The following ZBTB2 variants were observed in gnomAD, a reference collection of about 807,000 sequenced individuals.
ZBTB2 encodes the protein zinc finger and BTB domain containing 2, also known as zinc finger and BTB domain-containing protein 2.
ZBTB2 carries 2 observed loss-of-function variants against 39.5 expected under a neutral mutation model. The observed-to-expected ratio is 0.05, with a 90% confidence interval of 0.02 to 0.16. ZBTB2 has a LOEUF of 0.16. Ranked by LOEUF, ZBTB2 falls within the 10% of genes least tolerant of loss-of-function variation. The pLI is 1.00. For missense variants in ZBTB2, 391 were observed against 653.0 expected (o/e 0.60, Z 4.37); for synonymous variants, 251 against 256.6 (o/e 0.98, Z 0.21).
At chr6:151,376,653 T>C (rs1778915303) in intron 1 of ZBTB2, among the ~76,000 whole-genome samples, 1 of 152,210 alleles carries the variant, frequency 6.6e-6, no homozygotes, top group Non-Finnish European at 1.5e-5. Context: ...ACAGTATCAC[T>C]GTGCACCTAT....
chr6:151,388,898 G>A (rs1779222810), intron 1 of ZBTB2, among the ~76,000 whole-genome samples: 1 of 152,274 alleles, frequency 6.6e-6, no homozygotes, highest in South Asian at 2.1e-4. Context: ...TGGCAAGTAT[G>A]CACTGGGACT....
intron 2 of ZBTB2, among the ~76,000 whole-genome samples, chr6:151,368,729 C>T (rs1347005282): frequency 6.6e-6 from 1 of 151,376 alleles, no homozygotes; most frequent in Non-Finnish European, 1.5e-5. Context: ...GATGGGATTA[C>T]AGGCGTGAGC....
intron 1 of ZBTB2, among the ~76,000 whole-genome samples, chr6:151,373,871 A>ACAAAAC (rs1372276355): frequency 8.6e-6 from 1 of 116,578 alleles, no homozygotes; most frequent in Non-Finnish European, 1.7e-5. Context: ...AAAAAAAAAA[A>ACAAAAC]AAAAAACCAG....
At chr6:151,389,230 C>T (rs916693738) in intron 1 of ZBTB2, among the ~76,000 whole-genome samples, 1 of 151,826 alleles carries the variant, frequency 6.6e-6, no homozygotes, top group Non-Finnish European at 1.5e-5. Flanking sequence ...AAGACCGTCT[C>T]GGGCAACATA....
At chr6:151,368,223 T>G (rs1778692255) in intron 2 of ZBTB2, among the ~76,000 whole-genome samples, 1 of 152,178 alleles carries the variant, frequency 6.6e-6, no homozygotes. Flanking sequence ...CTCGGCTCAC[T>G]GCAAGCTCCG....
intron 2 of ZBTB2, among the ~76,000 whole-genome samples, chr6:151,368,210 G>A (rs1030831033): frequency 3.9e-5 from 6 of 151,924 alleles, no homozygotes; most frequent in South Asian, 4.2e-4. Flanking sequence ...GCAGTGGTGC[G>A]ATCTCGGCTC....
chr6:151,380,421 C>T (rs778988438), intron 1 of ZBTB2, among the ~76,000 whole-genome samples: 7 of 152,202 alleles, frequency 4.6e-5, no homozygotes, highest in East Asian at 3.8e-4. Flanking sequence ...TTTCTCATCA[C>T]GGCTTCCCTT....
Position 151,367,277 on chromosome 6 carries a change from C to T in ZBTB2, c.174-385G>A, listed in dbSNP as rs567253857. ...CTGGGATTACAGGCGCTCACTACCACGCCCAGTTAATTTTTGTATTTTTAA... is the reference window on the plus strand; with the variant it reads ...CTGGGATTACAGGCGCTCACTACCATGCCCAGTTAATTTTTGTATTTTTAA... On this transcript the variant is annotated intron_variant, in intron 2 of 2. Coordinates refer to ENST00000325144, the MANE Select transcript of ZBTB2 (RefSeq NM_020861.3). Among the ~76,000 whole-genome samples the T allele has an allele frequency of 1.1e-4, 17 of 152,176 alleles. 1 individual carries two copies. Among genetic ancestry groups the T allele is most frequent in the South Asian group, 4.1e-4 (2 of 4,820 alleles).
chr6:151,386,848 T>C (rs1242433286), intron 1 of ZBTB2, among the ~76,000 whole-genome samples: 1 of 151,222 alleles, frequency 6.6e-6, no homozygotes. Context: ...ATTACCAAAA[T>C]GGAGAAATTT....
At chr6:151,381,798 C>A (rs959077530) in intron 1 of ZBTB2, among the ~76,000 whole-genome samples, 5 of 152,204 alleles carry the variant, frequency 3.3e-5, no homozygotes, top group African/African-American at 1.2e-4. Flanking sequence ...AGCAAAGACA[C>A]AAAACATTCA....
chr6:151,388,563 A>G (rs1779213609), intron 1 of ZBTB2, among the ~76,000 whole-genome samples: 1 of 152,104 alleles, frequency 6.6e-6, no homozygotes, highest in Non-Finnish European at 1.5e-5. Context: ...GAGATGTGGG[A>G]TCTATGTTAC....
Position 151,366,382 on chromosome 6 carries a change from A to C in ZBTB2, c.684T>G (p.Asp228Glu). 1 of 1,614,132 alleles carries C rather than the reference A, an allele frequency of 6.2e-7. No individual in the cohort carries two copies. The highest frequency in any genetic ancestry group is 1.1e-5 in the South Asian group (1 of 91,080). Residue 228 changes from aspartate to glutamate, a missense_variant, in exon 3 of 3, where the codon GAT becomes GAG. Physicochemically the swap from Asp to Glu is conservative, Grantham distance 45. Around this residue, in one of 7 missense-constraint regions of ZBTB2, gnomAD observed 175 missense variants for 198.6 expected, o/e 0.88. Transcript: ENST00000325144. The surrounding 1 kb of genome is among the most constrained non-coding windows in gnomAD (Gnocchi z 7.1). ...CTATTGTGAGGGACGCAGGCTGCTCATCGGAGGAAGATGCTTCCAGATTGG... is the reference window on the plus strand; with the variant it reads ...CTATTGTGAGGGACGCAGGCTGCTCCTCGGAGGAAGATGCTTCCAGATTGG... ...EETNLEASSS[D>E]EQPASLTIAH...
rs970701434 is a variant in ZBTB2 at position 151,384,368 on chromosome 6, G to C, written c.-13+7052C>G. Among the ~76,000 whole-genome samples, 6 of 152,122 alleles carry C rather than the reference G, an allele frequency of 3.9e-5. No individual in the cohort carries two copies. The East Asian group carries it at 7.7e-4, about 20-fold the overall frequency. On this transcript the variant is annotated intron_variant, in intron 1 of 2. Coordinates refer to ENST00000325144, the MANE Select transcript of ZBTB2 (RefSeq NM_020861.3). ...CGGAACTAATCAAGCTGGGGAGGAG[G>C]GGGTAACAAGCGGGCAAGTGAAGAC...
intron 1 of ZBTB2, among the ~76,000 whole-genome samples, chr6:151,388,479 G>C (rs543192896): frequency 5.1e-4 from 77 of 152,274 alleles, no homozygotes; most frequent in Non-Finnish European, 7.2e-4. Flanking sequence ...GCATGCTGTG[G>C]GTACTTGAAA....
intron 1 of ZBTB2, among the ~76,000 whole-genome samples, chr6:151,373,868 A>AAAAC (rs1778842245): frequency 6.8e-6 from 1 of 146,850 alleles, no homozygotes; most frequent in African/African-American, 2.6e-5. Flanking sequence ...AAAAAAAAAA[A>AAAAC]AAAAAAAAAC....
chr6:151,370,039 T>C (rs1778751851), intron 2 of ZBTB2: 1 of 933,826 alleles, frequency 1.1e-6, no homozygotes, highest in Non-Finnish European at 1.3e-6. Context: ...CTCAGCTCAC[T>C]ATGCGCCAGA....
At chr6:151,389,469 G>T (rs1021908483) in intron 1 of ZBTB2, among the ~76,000 whole-genome samples, 3 of 152,194 alleles carry the variant, frequency 2.0e-5, no homozygotes, top group Non-Finnish European at 2.9e-5. Context: ...AACGCTAGTG[G>T]TGTGTACAAC....
chr6:151,389,721 G>C (rs939625991), intron 1 of ZBTB2, among the ~76,000 whole-genome samples: 4 of 152,134 alleles, frequency 2.6e-5, no homozygotes, highest in African/African-American at 4.8e-5. Flanking sequence ...CGGGGAGCGA[G>C]AGCCGGGTTA....
chr6:151,385,538 A>C (rs1470185331), intron 1 of ZBTB2, among the ~76,000 whole-genome samples: 1 of 152,188 alleles, frequency 6.6e-6, no homozygotes, highest in Non-Finnish European at 1.5e-5. Flanking sequence ...CAGCTTGTGG[A>C]AATTGTTGAT....
Sources: allele counts gnomAD v4.1 joint callset (sites outside exome capture counted in the v4.1 genomes callset), GRCh38; gene constraint gnomAD v4.1.1; regional missense constraint gnomAD v4.1.1; non-coding constraint Gnocchi (gnomAD v3.1); transcripts MANE v1.5; gene names NCBI Gene and HGNC (gene_info 2026-07-23, HGNC 2026-07-21).